GNAL: variants seen among roughly 807,000 people sequenced by gnomAD.
GNAL encodes G protein subunit alpha L, also known as guanine nucleotide-binding protein G(olf) subunit alpha.
GNAL carries 18 observed loss-of-function variants against 55.1 expected under a neutral mutation model. The observed-to-expected ratio is 0.33, with a 90% CI of 0.23 to 0.48. The LOEUF (loss-of-function observed/expected upper bound fraction) is 0.48, where lower values mean the gene tolerates loss of function less well. Among genes scored for constraint, GNAL ranks in the 20% least tolerant of loss-of-function variants. GNAL has a pLI of 0.99. For missense variants in GNAL, 412 were observed against 614.1 expected (o/e 0.67, Z 3.48); for synonymous variants, 253 against 237.0 (o/e 1.07, Z -0.62).
chr18:11,832,234 G>A (rs2035399367), intron 5 of GNAL, among the ~76,000 whole-genome samples: 1 of 152,198 alleles, frequency 6.6e-6, no homozygotes, highest in Non-Finnish European at 1.5e-5. Flanking sequence ...AGCTCACAGA[G>A]TGTAGGTTCT....
rs548529992 is a variant in GNAL at position 11,737,964 on chromosome 18, A to C, written c.377-14889A>C. Among the ~76,000 whole-genome samples, 17 of 152,308 alleles carry C rather than the reference A, an allele frequency of 1.1e-4. No homozygotes were observed. The East Asian group carries it at 3.3e-3, about 29-fold the overall frequency. ...AGGGAACCCAGTGGAGGCTGTCTGC[A>C]GAGCCAGCCCCCTGGGCCGGAGAGG... On this transcript the variant is annotated intron_variant, in intron 1 of 11. Coordinates refer to ENST00000334049, the MANE Select transcript of GNAL (RefSeq NM_182978.4).
Position 11,824,927 on chromosome 18 carries a change from G to T in GNAL, c.634G>T (p.Asp212Tyr). 2 of 1,562,248 alleles carry T rather than the reference G, an allele frequency of 1.3e-6. No homozygotes were observed. The highest frequency in any genetic ancestry group is 1.1e-5 in the South Asian group (1 of 87,718). ...CTCTTTCAAACTTTAGGAATTCTTTGACCATGTGAAAAAACTTTGGGACGA... is the reference window on the plus strand; with the variant it reads ...CTCTTTCAAACTTTAGGAATTCTTTTACCATGTGAAAAAACTTTGGGACGA... ...TDFEYSQEFF[D>Y]HVKKLWDDEG... Residue 212 changes from aspartate to tyrosine, a missense_variant, in exon 5 of 12, where the codon GAC (aspartate) becomes TAC (tyrosine). Coordinates refer to ENST00000334049, the MANE Select transcript of GNAL (RefSeq NM_182978.4).
At chr18:11,783,283 C>T (rs978349080) in intron 4 of GNAL, among the ~76,000 whole-genome samples, 1 of 152,300 alleles carries the variant, frequency 6.6e-6, no homozygotes, top group Non-Finnish European at 1.5e-5. Flanking sequence ...GGCAGTGCCT[C>T]TGTGTGCGTC....
intron 4 of GNAL, among the ~76,000 whole-genome samples, chr18:11,759,938 C>T (rs1258783762): frequency 6.6e-6 from 1 of 152,062 alleles, no homozygotes; most frequent in Non-Finnish European, 1.5e-5. Flanking sequence ...CCGTGTAAAT[C>T]AGGTCAGCAT....
chr18:11,755,519 C>CCAT (rs2033024437), intron 4 of GNAL, among the ~76,000 whole-genome samples: 1 of 152,206 alleles, frequency 6.6e-6, no homozygotes, highest in Non-Finnish European at 1.5e-5. Context: ...TCATGATCCA[C>CCAT]CCGCCTCGGC....
At chr18:11,710,051 T>G (rs1029241654) in intron 1 of GNAL, among the ~76,000 whole-genome samples, 1 of 152,202 alleles carries the variant, frequency 6.6e-6, no homozygotes, top group Non-Finnish European at 1.5e-5. Flanking sequence ...TTGTATCTAT[T>G]GAGATCACTA....
At chr18:11,736,857 A>T (rs1247631766) in intron 1 of GNAL, among the ~76,000 whole-genome samples, 2 of 152,232 alleles carry the variant, frequency 1.3e-5, no homozygotes, top group African/African-American at 4.8e-5. Flanking sequence ...GTAGTTATGT[A>T]AGAGAATCTC....
intron 4 of GNAL, among the ~76,000 whole-genome samples, chr18:11,768,254 G>A (rs555348443): frequency 6.6e-6 from 1 of 152,254 alleles, no homozygotes; most frequent in East Asian, 1.9e-4. Context: ...TGTTAGTTAT[G>A]ACCTCTGGCC....
chr18:11,867,244 T>A lies in GNAL; in HGVS notation c.910+18T>A. On this transcript the variant is annotated intron_variant, in intron 8 of 11. Coordinates refer to ENST00000334049, the MANE Select transcript of GNAL (RefSeq NM_182978.4). ...CTTTAACGGTGATTTTTTTATGCTC[T>A]CTCAAGAAAATAGGAGTGAATTCTA... 6.5e-7 allele frequency: 1 copy of A among 1,535,378 alleles called. No homozygotes were observed. The highest frequency in any genetic ancestry group is 1.7e-5 in the Admixed American group (1 of 59,794).
chr18:11,787,640 C>G (rs2034096521), intron 4 of GNAL, among the ~76,000 whole-genome samples: 1 of 152,098 alleles, frequency 6.6e-6, no homozygotes, highest in Non-Finnish European at 1.5e-5. Context: ...TTTGGGAGGC[C>G]GAGGTGGGCG....
chr18:11,879,012 G>A (rs745655153), intron 11 of GNAL, among the ~76,000 whole-genome samples: 2 of 151,346 alleles, frequency 1.3e-5, no homozygotes, highest in South Asian at 2.1e-4. Context: ...TGTAAATGAC[G>A]AGTTAATGGG....
intron 1 of GNAL, among the ~76,000 whole-genome samples, chr18:11,749,138 A>AC (rs1364311184): frequency 6.8e-6 from 1 of 148,078 alleles, no homozygotes; most frequent in Non-Finnish European, 1.5e-5. Flanking sequence ...AAAAAAAAAA[A>AC]AAAAAAAAAA....
intron 5 of GNAL, among the ~76,000 whole-genome samples, chr18:11,839,420 G>GT (rs2035565038): frequency 6.6e-6 from 1 of 151,640 alleles, no homozygotes; most frequent in Non-Finnish European, 1.5e-5. Context: ...GGCCATGGTG[G>GT]TGTGCACCTG....
At chr18:11,877,823 A>G (rs2036568742) in intron 11 of GNAL, among the ~76,000 whole-genome samples, 1 of 152,190 alleles carries the variant, frequency 6.6e-6, no homozygotes, top group Non-Finnish European at 1.5e-5. Context: ...GAAAGTAACA[A>G]TGAGGAGAAA....
At chr18:11,799,106 C>G (rs2034458380) in intron 4 of GNAL, among the ~76,000 whole-genome samples, 2 of 149,644 alleles carry the variant, frequency 1.3e-5, no homozygotes, top group Non-Finnish European at 3.0e-5. Flanking sequence ...GAGCGAGAGT[C>G]TGTCTCAAAA....
chr18:11,780,392 AT>A (rs1244396932), intron 4 of GNAL, among the ~76,000 whole-genome samples: 1 of 152,032 alleles, frequency 6.6e-6, no homozygotes, highest in Non-Finnish European at 1.5e-5. Context: ...AAAAAAGATA[AT>A]TTTTTGGTCA....
chr18:11,884,610 T>C lies in GNAL; in HGVS notation c.*3475T>C, dbSNP rs1169636624. The C allele has an allele frequency of 1.9e-6, 3 of 1,613,378 alleles. No individual in the cohort carries two copies. The highest frequency in any genetic ancestry group is 1.7e-6 in the Non-Finnish European group (2 of 1,179,860). On this transcript the variant is annotated 3_prime_UTR_variant, in exon 12 of 12. Transcript: ENST00000334049. ...GGTAGCACTTGGAGAGGGTGTAGTCTGTGGGCGTGATGCTACCCTGGAAAG... is the reference window on the plus strand; with the variant it reads ...GGTAGCACTTGGAGAGGGTGTAGTCCGTGGGCGTGATGCTACCCTGGAAAG...
chr18:11,793,282 T>C (rs1224313082), intron 4 of GNAL, among the ~76,000 whole-genome samples: 1 of 152,332 alleles, frequency 6.6e-6, no homozygotes, highest in African/African-American at 2.4e-5. Flanking sequence ...CCAGAATATA[T>C]AAAGAATTTT....
chr18:11,884,663 C>G lies in GNAL; in HGVS notation c.*3528C>G. The G allele has an allele frequency of 6.3e-7, 1 of 1,599,300 alleles. No individual in the cohort carries two copies. Among genetic ancestry groups the G allele is most frequent in the African/African-American group, 1.3e-5 (1 of 74,774 alleles). On this transcript the variant is annotated 3_prime_UTR_variant, in exon 12 of 12. Transcript: ENST00000334049. ...GAAGGGAAAGTTATGCTGAGAGCAC[C>G]AGGCACACGTTGAACACCGCAGTCT...
Sources: gnomAD v4.1 joint callset for allele counts (sites outside exome capture counted in the v4.1 genomes callset) on GRCh38, gnomAD v4.1.1 for gene constraint, MANE v1.5 for transcripts, NCBI Gene and HGNC (gene_info 2026-07-23, HGNC 2026-07-21) for gene names.